Variants in GABRG3 observed in about 807,000 individuals in gnomAD.
GABRG3 encodes the protein gamma-aminobutyric acid receptor subunit gamma-3.
Under a neutral mutation model 48.8 loss-of-function variants are expected in GABRG3, and 25 were observed. The ratio of observed to expected loss-of-function variants is 0.51; its 90% CI spans 0.37 to 0.72. The LOEUF is 0.72. Among genes scored for constraint, GABRG3 ranks in the 30% least tolerant of loss-of-function variants. The pLI is 0.00. For synonymous variants in GABRG3, 227 were observed against 217.6 expected (o/e 1.04, Z -0.38); for missense variants, 394 against 577.9 (o/e 0.68, Z 3.26).
At chr15:27,523,789 T>C (rs1159859446) in intron 7 of GABRG3, among the ~76,000 whole-genome samples, 4 of 151,746 alleles carry the variant, frequency 2.6e-5, no homozygotes, top group African/African-American at 9.7e-5. Context: ...AACCATGAGA[T>C]AGAACAACAA....
intron 3 of GABRG3, among the ~76,000 whole-genome samples, chr15:27,223,640 A>G (rs895657156): frequency 6.6e-6 from 1 of 152,198 alleles, no homozygotes; most frequent in Non-Finnish European, 1.5e-5. Context: ...GTTTGCAAAA[A>G]TGTTTAAAAT....
intron 3 of GABRG3, among the ~76,000 whole-genome samples, chr15:27,304,194 C>G (rs912352652): frequency 6.6e-6 from 1 of 151,644 alleles, no homozygotes; most frequent in Non-Finnish European, 1.5e-5. Flanking sequence ...TCCTGTTAAC[C>G]TAGTAGAAGA....
At chr15:27,371,984 C>T (rs1229636512) in intron 5 of GABRG3, among the ~76,000 whole-genome samples, 4 of 152,054 alleles carry the variant, frequency 2.6e-5, no homozygotes, top group Admixed American at 6.6e-5. Flanking sequence ...AATATCACTT[C>T]GATGTGGGCT....
At chr15:27,476,747 G>A (rs1420097676) in intron 5 of GABRG3, among the ~76,000 whole-genome samples, 2 of 152,246 alleles carry the variant, frequency 1.3e-5, no homozygotes, top group East Asian at 3.9e-4. Flanking sequence ...GAAGAGAAGA[G>A]AAGCAGGGGC....
intron 5 of GABRG3, among the ~76,000 whole-genome samples, chr15:27,393,211 G>GT (rs1887196008): frequency 6.6e-6 from 1 of 151,992 alleles, no homozygotes; most frequent in South Asian, 2.1e-4. Context: ...AGGCGTGGTG[G>GT]CGGGTGCCTG....
At chr15:27,526,420 G>A (rs1376228436) in intron 7 of GABRG3, among the ~76,000 whole-genome samples, 1 of 152,146 alleles carries the variant, frequency 6.6e-6, no homozygotes. Context: ...CTACAGAGGT[G>A]GTGACTGTTA....
At chr15:27,173,436 A>G in intron 3 of GABRG3, among the ~76,000 whole-genome samples, 1 of 152,216 alleles carries the variant, frequency 6.6e-6, no homozygotes, top group East Asian at 1.9e-4. Flanking sequence ...ATTTAGTTTT[A>G]TTGAGAAAGA....
At chr15:27,254,650 C>A (rs1160912070) in intron 3 of GABRG3, among the ~76,000 whole-genome samples, 1 of 152,072 alleles carries the variant, frequency 6.6e-6, no homozygotes, top group Non-Finnish European at 1.5e-5. Context: ...AAGGACAAGG[C>A]CGCTCTCAGG....
intron 7 of GABRG3, among the ~76,000 whole-genome samples, chr15:27,525,284 C>T (rs1179411579): frequency 6.6e-6 from 1 of 152,088 alleles, no homozygotes; most frequent in Non-Finnish European, 1.5e-5. Flanking sequence ...ATTCACTCAT[C>T]CCTCCAAAGT....
Position 27,479,748 on chromosome 15 carries a change from T to C in GABRG3, c.575-902T>C, listed in dbSNP as rs1042323603. On this transcript the variant is annotated intron_variant, in intron 5 of 9. Transcript: ENST00000615808. ...TGCCAATGCTGTCACGTGTTGCCAA[T>C]GACATAAGGCCTAGACCTGTTCTTG... Among the ~76,000 whole-genome samples the C allele has an allele frequency of 2.6e-5, 4 of 152,306 alleles. No homozygotes were observed. The East Asian group carries it at 7.7e-4, about 29-fold the overall frequency.
At chr15:27,063,742 G>A (rs1056389881) in intron 3 of GABRG3, among the ~76,000 whole-genome samples, 3 of 152,174 alleles carry the variant, frequency 2.0e-5, no homozygotes, top group Non-Finnish European at 4.4e-5. Context: ...GCCAGGTGGG[G>A]TTGCCCTGCA....
chr15:26,980,022 T>G (rs1895023542), intron 2 of GABRG3, among the ~76,000 whole-genome samples: 1 of 152,214 alleles, frequency 6.6e-6, no homozygotes, highest in African/African-American at 2.4e-5. Context: ...CTATTCAAAT[T>G]ATCACTTTCA....
chr15:27,052,255 T>C (rs1027514424), intron 3 of GABRG3, among the ~76,000 whole-genome samples: 1 of 152,202 alleles, frequency 6.6e-6, no homozygotes, highest in Non-Finnish European at 1.5e-5. Context: ...TTGAGAGTGC[T>C]GAGTTACGTT....
intron 2 of GABRG3, among the ~76,000 whole-genome samples, chr15:27,014,589 G>A (rs1250350676): frequency 6.6e-6 from 1 of 151,956 alleles, no homozygotes; most frequent in Non-Finnish European, 1.5e-5. Flanking sequence ...CCATATATTT[G>A]TGAATTTTCC....
At chr15:27,131,565 T>G (rs980177176) in intron 3 of GABRG3, among the ~76,000 whole-genome samples, 2 of 152,106 alleles carry the variant, frequency 1.3e-5, no homozygotes, top group African/African-American at 4.8e-5. Flanking sequence ...AGTTTGGAAG[T>G]GTTCCCTCGT....
At chr15:27,427,517 C>T (rs941168163) in intron 5 of GABRG3, among the ~76,000 whole-genome samples, 1 of 152,190 alleles carries the variant, frequency 6.6e-6, no homozygotes, top group Non-Finnish European at 1.5e-5. Flanking sequence ...TAAACAGCTT[C>T]ATGTAGGCCT....
chr15:27,307,544 C>T (rs1456239078), intron 3 of GABRG3, among the ~76,000 whole-genome samples: 2 of 45,896 alleles, frequency 4.4e-5, no homozygotes, highest in South Asian at 7.7e-4. Flanking sequence ...TATATATAAA[C>T]ATAGGTTTAT....
chr15:27,030,812 G>A (rs533529261), intron 3 of GABRG3, among the ~76,000 whole-genome samples: 1 of 152,168 alleles, frequency 6.6e-6, no homozygotes, highest in Admixed American at 6.6e-5. Flanking sequence ...ACATCTTAGA[G>A]CAAGGTTCTG....
In GABRG3 at chr15:27,244,893, T is replaced by A. The variant is rs553005199; in HGVS notation, c.271-81916T>A. 2.0e-5 allele frequency among the ~76,000 whole-genome samples: 3 copies of A among 152,358 alleles called. No individual in the cohort carries two copies. In the South Asian group the frequency reaches 6.2e-4, roughly 32 times the overall value. On this transcript the variant is annotated intron_variant, in intron 3 of 9. Coordinates refer to ENST00000615808, the MANE Select transcript of GABRG3 (RefSeq NM_033223.5). ...ATTATTTGTTTTGAAAATTAAAATTTCATTTTTAAAATTTAGCAACAGTGT... is the reference window on the plus strand; with the variant it reads ...ATTATTTGTTTTGAAAATTAAAATTACATTTTTAAAATTTAGCAACAGTGT...
Sources: allele counts gnomAD v4.1 joint callset (sites outside exome capture counted in the v4.1 genomes callset), GRCh38; gene constraint gnomAD v4.1.1; transcripts MANE v1.5; gene names NCBI Gene and HGNC (gene_info 2026-07-23, HGNC 2026-07-21).